Variants in SHTN1 observed in about 807,000 individuals in gnomAD.
The protein encoded by SHTN1 is shootin 1.
Under a neutral mutation model 83.1 loss-of-function variants are expected in SHTN1, and 42 were observed. The ratio of observed to expected loss-of-function variants is 0.51; its 90% confidence interval spans 0.39 to 0.65. SHTN1 has a LOEUF of 0.65. Ranked by LOEUF, SHTN1 falls within the 30% of genes least tolerant of loss-of-function variation. SHTN1 has a pLI of 0.00. For missense variants in SHTN1, 622 were observed against 737.8 expected (o/e 0.84, Z 1.82); for synonymous variants, 224 against 247.7 (o/e 0.90, Z 0.90).
chr10:116,967,614 A>G (rs942144999), intron 3 of SHTN1, among the ~76,000 whole-genome samples: 1 of 152,172 alleles, frequency 6.6e-6, no homozygotes, highest in African/African-American at 2.4e-5. Flanking sequence ...TTGTAGTAAC[A>G]TCACGTAACG....
intron 14 of SHTN1, among the ~76,000 whole-genome samples, chr10:116,911,049 T>C (rs1414376141): frequency 6.6e-6 from 1 of 152,210 alleles, no homozygotes; most frequent in African/African-American, 2.4e-5. Context: ...TCCGCCCCCA[T>C]GTTTGTTGAC....
At chr10:117,005,300 C>G, upstream of SHTN1, 4 of 1,411,890 alleles carry the variant, frequency 2.8e-6, no homozygotes, top group Non-Finnish European at 3.7e-6. Context: ...CGGGGCGGGG[C>G]GGGCCCAGCA....
chr10:116,901,547 A>T (rs1264598327), intron 16 of SHTN1: 1 of 985,244 alleles, frequency 1.0e-6, no homozygotes, highest in East Asian at 1.1e-4. Context: ...AGTTTAGGGG[A>T]AGTAATTCTC....
At chr10:116,997,546 G>A (rs1012979002) in intron 1 of SHTN1, among the ~76,000 whole-genome samples, 1 of 152,120 alleles carries the variant, frequency 6.6e-6, no homozygotes. Context: ...TCTGCAGAAC[G>A]TCTCTCAATA....
intron 16 of SHTN1, among the ~76,000 whole-genome samples, chr10:116,891,193 G>A (rs563170249): frequency 6.6e-6 from 1 of 152,318 alleles, no homozygotes; most frequent in African/African-American, 2.4e-5. Context: ...GAACTTTTAA[G>A]CGGTGAGAGT....
intron 2 of SHTN1, among the ~76,000 whole-genome samples, chr10:117,046,284 C>G (rs1852663141): frequency 6.6e-6 from 1 of 152,004 alleles, no homozygotes; most frequent in Admixed American, 6.6e-5. Context: ...TAAAGGTACT[C>G]AACACCATGA....
intron 1 of SHTN1, among the ~76,000 whole-genome samples, chr10:116,992,418 T>C (rs1851470647): frequency 6.6e-6 from 1 of 152,220 alleles, no homozygotes; most frequent in Non-Finnish European, 1.5e-5. Flanking sequence ...AGCCCACTTA[T>C]TCTAACTAAC....
At chr10:116,983,944 G>A (rs1482089108) in intron 1 of SHTN1, among the ~76,000 whole-genome samples, 1 of 152,150 alleles carries the variant, frequency 6.6e-6, no homozygotes, top group Non-Finnish European at 1.5e-5. Flanking sequence ...AAGAAAAGGA[G>A]TTTTCTTTCC....
upstream of SHTN1, among the ~76,000 whole-genome samples, chr10:117,006,521 G>A (rs1330184746): frequency 5.5e-5 from 8 of 145,488 alleles, no homozygotes; most frequent in Non-Finnish European, 8.9e-5. Flanking sequence ...AGCCGAGATC[G>A]CGCCACTGCA....
chr10:117,012,338 G>A (rs774168306), intron 2 of SHTN1, among the ~76,000 whole-genome samples: 2 of 152,038 alleles, frequency 1.3e-5, no homozygotes, highest in Admixed American at 1.3e-4. Context: ...CAAAGTTGGA[G>A]GACTCACGCT....
At chr10:117,040,465 A>G (rs919485824) in intron 2 of SHTN1, among the ~76,000 whole-genome samples, 44 of 152,234 alleles carry the variant, frequency 2.9e-4, no homozygotes, top group African/African-American at 1.1e-3. Flanking sequence ...TTTTTCAGAA[A>G]TTGACATACC....
chr10:117,126,288 C>T (rs1249277353), intron 1 of SHTN1: 2 of 159,532 alleles, frequency 1.3e-5, no homozygotes, highest in Non-Finnish European at 2.8e-5. Flanking sequence ...CTAAAACCGT[C>T]AAAGCAGGCC....
At position 116,944,905 on chromosome 10, in the gene SHTN1, AT is replaced by A; in HGVS notation, c.711+18del. On this transcript the variant is annotated intron_variant, in intron 8 of 16. Transcript: ENST00000355371. ...ACTCTGTCTCAAGAAAAAAAATAAG[AT>A]TTTTACAAGATACCCACCTCTTGTG... The A allele has an allele frequency of 1.3e-6, 2 of 1,532,766 alleles. No homozygotes were observed. Among genetic ancestry groups the A allele is most frequent in the Non-Finnish European group, 1.8e-6 (2 of 1,106,938 alleles). The allele number at this position is 1,532,766 out of a possible 1,614,324, so 94.9% of individuals were successfully genotyped here.
intron 1 of SHTN1, among the ~76,000 whole-genome samples, chr10:116,985,345 G>A (rs1851183845): frequency 6.6e-6 from 1 of 152,152 alleles, no homozygotes; most frequent in African/African-American, 2.4e-5. Flanking sequence ...AATACAGAAT[G>A]GTAGTGGAAG....
At chr10:116,999,418 G>T (rs1436338269) in intron 1 of SHTN1, among the ~76,000 whole-genome samples, 1 of 152,170 alleles carries the variant, frequency 6.6e-6, no homozygotes, top group Non-Finnish European at 1.5e-5. Context: ...TCCTCAAGGA[G>T]ATAAGAGAAA....
chr10:117,008,866 T>C (rs531082882), upstream of SHTN1, among the ~76,000 whole-genome samples: 112 of 152,262 alleles, frequency 7.4e-4, 2 homozygotes, highest in South Asian at 0.022. Flanking sequence ...GTAATCCCAG[T>C]ACTCTGGGAG....
chr10:116,961,554 T>C (rs1044525342), intron 3 of SHTN1, among the ~76,000 whole-genome samples: 1 of 152,060 alleles, frequency 6.6e-6, no homozygotes, highest in Non-Finnish European at 1.5e-5. Flanking sequence ...ACTTGCATTA[T>C]CAACATTACT....
chr10:117,093,456 G>A (rs1023040279), intron 1 of SHTN1, among the ~76,000 whole-genome samples: 6 of 152,122 alleles, frequency 3.9e-5, no homozygotes, highest in Non-Finnish European at 8.8e-5. Flanking sequence ...GAGGTGGGAG[G>A]ATAAGCCGAG....
At chr10:116,996,154 TGTGA>T (rs1351055962) in intron 1 of SHTN1, among the ~76,000 whole-genome samples, 6 of 152,204 alleles carry the variant, frequency 3.9e-5, no homozygotes, top group Admixed American at 6.5e-5. Context: ...TAGAAATTAG[TGTGA>T]GAGAGGAAAA....
Sources: gnomAD v4.1 joint callset for allele counts (sites outside exome capture counted in the v4.1 genomes callset) on GRCh38, gnomAD v4.1.1 for gene constraint, MANE v1.5 for transcripts, NCBI Gene and HGNC (gene_info 2026-07-23, HGNC 2026-07-21) for gene names.